THSD7A: variants seen among roughly 807,000 people sequenced by gnomAD.
THSD7A encodes the protein thrombospondin type 1 domain containing 7A.
In THSD7A, 96 loss-of-function variants were observed where a neutral mutation model predicts 231.3. The ratio of observed to expected loss-of-function variants is 0.41; its 90% CI spans 0.35 to 0.49. The LOEUF (loss-of-function observed/expected upper bound fraction) is 0.49, where lower values mean the gene tolerates loss of function less well. Among genes scored for constraint, THSD7A ranks in the 20% least tolerant of loss-of-function variants. The probability of loss-of-function intolerance (pLI) is 0.05; values close to 1 mark genes in which losing one functional copy is unlikely to be tolerated. For synonymous variants in THSD7A, 940 were observed against 743.3 expected (o/e 1.26, Z -4.30); for missense variants, 2,290 against 2,070.2 (o/e 1.11, Z -2.06).
At chr7:11,822,484 C>A (rs1053424324) in intron 1 of THSD7A, among the ~76,000 whole-genome samples, 1 of 152,050 alleles carries the variant, frequency 6.6e-6, no homozygotes, top group Non-Finnish European at 1.5e-5. Flanking sequence ...CACATCTTTG[C>A]TATTGTGAAT....
At chr7:11,485,629 G>C (rs1056859314) in intron 6 of THSD7A, among the ~76,000 whole-genome samples, 1 of 152,196 alleles carries the variant, frequency 6.6e-6, no homozygotes, top group Non-Finnish European at 1.5e-5. Context: ...TAAAGGAACA[G>C]AGAATTGAAA....
At chr7:11,716,504 T>C (rs2128151038) in intron 1 of THSD7A, among the ~76,000 whole-genome samples, 1 of 151,798 alleles carries the variant, frequency 6.6e-6, no homozygotes, top group Middle Eastern at 3.4e-3. Context: ...CCCTACTTTA[T>C]TGTTCCTACT....
At chr7:11,564,451 G>A (rs1790218047) in intron 4 of THSD7A, among the ~76,000 whole-genome samples, 1 of 152,186 alleles carries the variant, frequency 6.6e-6, no homozygotes, top group South Asian at 2.1e-4. Flanking sequence ...GACTGCCCTT[G>A]CCTTCAGTCT....
intron 6 of THSD7A, among the ~76,000 whole-genome samples, chr7:11,499,674 C>T (rs186926569): frequency 6.5e-4 from 99 of 152,270 alleles, no homozygotes; most frequent in African/African-American, 2.4e-3. Flanking sequence ...ACAATGCAAT[C>T]ACAAGTATTA....
At chr7:11,556,973 T>C (rs1789873304) in intron 4 of THSD7A, among the ~76,000 whole-genome samples, 3 of 152,094 alleles carry the variant, frequency 2.0e-5, no homozygotes, top group Admixed American at 2.0e-4. Context: ...TTCATCCAGC[T>C]TCTTGAATCT....
At chr7:11,571,526 A>G (rs1167749820) in intron 4 of THSD7A, among the ~76,000 whole-genome samples, 1 of 152,186 alleles carries the variant, frequency 6.6e-6, no homozygotes, top group Non-Finnish European at 1.5e-5. Flanking sequence ...AAATTCTATT[A>G]TTACCATTTT....
At chr7:11,549,217 G>A (rs1583953632) in intron 4 of THSD7A, among the ~76,000 whole-genome samples, 2 of 152,238 alleles carry the variant, frequency 1.3e-5, no homozygotes, top group East Asian at 3.9e-4. Context: ...AGTCAGAATG[G>A]CTATTACTAA....
chr7:11,746,901 A>AT (rs1782325200), intron 1 of THSD7A, among the ~76,000 whole-genome samples: 1 of 151,668 alleles, frequency 6.6e-6, no homozygotes, highest in Non-Finnish European at 1.5e-5. Context: ...CCTTTCTCTC[A>AT]TTTTTTGAAA....
At chr7:11,713,945 C>A (rs925914985) in intron 1 of THSD7A, among the ~76,000 whole-genome samples, 5 of 151,026 alleles carry the variant, frequency 3.3e-5, no homozygotes, top group African/African-American at 1.2e-4. Context: ...AAAATAACAG[C>A]AAATATATTA....
chr7:11,488,985 A>G (rs1331171707), intron 6 of THSD7A, among the ~76,000 whole-genome samples: 1 of 152,044 alleles, frequency 6.6e-6, no homozygotes, highest in African/African-American at 2.4e-5. Flanking sequence ...AATGCCCCAG[A>G]TGGAGTTGTG....
chr7:11,675,829 T>G (rs754455756), intron 1 of THSD7A, among the ~76,000 whole-genome samples: 2 of 152,182 alleles, frequency 1.3e-5, no homozygotes, highest in Non-Finnish European at 2.9e-5. Flanking sequence ...GGGGCGGCTG[T>G]GGGTGCAGCT....
chr7:11,528,344 T>C (rs550537121), intron 6 of THSD7A, among the ~76,000 whole-genome samples: 1 of 152,180 alleles, frequency 6.6e-6, no homozygotes, highest in Non-Finnish European at 1.5e-5. Context: ...AGCTCTTGGA[T>C]ATATTCTCTC....
At chr7:11,383,664 T>TTTAAA in intron 23 of THSD7A, 1 of 151,650 alleles carries the variant, frequency 6.6e-6, no homozygotes, top group South Asian at 2.1e-4. Flanking sequence ...ATCTTGTCAT[T>TTTAAA]TTAAATTAAA....
intron 1 of THSD7A, among the ~76,000 whole-genome samples, chr7:11,746,817 G>A (rs1782322007): frequency 1.3e-5 from 2 of 151,776 alleles, no homozygotes; most frequent in Non-Finnish European, 2.9e-5. Flanking sequence ...TCTAGAGGGT[G>A]CGTTAAACTG....
intron 1 of THSD7A, among the ~76,000 whole-genome samples, chr7:11,740,005 A>G (rs1315612648): frequency 2.0e-5 from 3 of 151,974 alleles, no homozygotes; most frequent in Non-Finnish European, 4.4e-5. Flanking sequence ...CAAGAACTCC[A>G]CCATCTCCTG....
At chr7:11,404,388 C>T (rs1337362985) in intron 22 of THSD7A, among the ~76,000 whole-genome samples, 1 of 152,180 alleles carries the variant, frequency 6.6e-6, no homozygotes, top group East Asian at 1.9e-4. Context: ...GCCCGTTCTG[C>T]TCAATGGTGT....
In THSD7A at chr7:11,593,317, C is replaced by A; in HGVS notation, c.1208G>T (p.Cys403Phe). 2 of 1,613,982 alleles carry A rather than the reference C, an allele frequency of 1.2e-6. No individual in the cohort carries two copies. Among genetic ancestry groups the A allele is most frequent in the Non-Finnish European group, 1.7e-6 (2 of 1,179,888 alleles). Residue 403 changes from cysteine to phenylalanine, a missense_variant, in exon 3 of 28, where the codon TGT becomes TTT. Physicochemically the swap from Cys to Phe is radical, Grantham distance 205 (BLOSUM62 -2). Transcript: ENST00000423059. The part of the protein sequence containing the change: ...RQFPIGSEKE[C>F]PEFEEKEPCL... ...GGGTTCTTTTTCTTCAAATTCTGGA[C>A]ACTCCTTTTCACTGCCAATGGGAAA...
Position 11,566,965 on chromosome 7 carries a change from T to TAGCGGGAGGGGG in THSD7A, c.1453+23494_1453+23495insCCCCCTCCCGCT. Among the ~76,000 whole-genome samples, 6 of 92,302 alleles carry TAGCGGGAGGGGG rather than the reference T, an allele frequency of 6.5e-5. 2 individuals are homozygous for TAGCGGGAGGGGG. Among genetic ancestry groups the TAGCGGGAGGGGG allele is most frequent in the African/African-American group, 3.3e-4 (6 of 18,006 alleles). 60.6% of individuals were successfully genotyped at this position (92,302 alleles called of 152,430 possible). A position where few individuals can be genotyped will look rare whatever the true frequency, so the allele number is the denominator to read the frequency against. On this transcript the variant is annotated intron_variant, in intron 4 of 27. Coordinates refer to ENST00000423059, the MANE Select transcript of THSD7A (RefSeq NM_015204.3). The stretch of plus-strand genomic sequence containing the variant: ...CAAAGTGGATCCAGCTGTGGGAGAG[T>TAGCGGGAGGGGG]GGGGGGGGGACTGACCAACAAAGTT...
intron 4 of THSD7A, among the ~76,000 whole-genome samples, chr7:11,574,881 G>A (rs1790820664): frequency 6.6e-6 from 1 of 152,152 alleles, no homozygotes; most frequent in African/African-American, 2.4e-5. Flanking sequence ...AGGTGAGATA[G>A]CTTTTCTCTA....
Sources: allele counts gnomAD v4.1 joint callset (sites outside exome capture counted in the v4.1 genomes callset), GRCh38; gene constraint gnomAD v4.1.1; transcripts MANE v1.5; gene names NCBI Gene and HGNC (gene_info 2026-07-23, HGNC 2026-07-21).